The following TOMM20L variants were observed in gnomAD, a reference collection of about 807,000 sequenced individuals.
TOMM20L encodes the protein translocase of outer mitochondrial membrane 20 like, also known as TOMM20-like protein 1.
A neutral mutation model predicts 20.4 loss-of-function variants in TOMM20L; 19 were observed. The observed-to-expected ratio is 0.93, with a 90% CI of 0.65 to 1.36. The LOEUF is 1.36. Ranked by LOEUF, TOMM20L falls within the 40% of genes most tolerant of loss-of-function variation. The pLI, the probability that TOMM20L is intolerant of heterozygous loss-of-function variation, is 0.00. For missense variants in TOMM20L, 218 were observed against 203.7 expected (o/e 1.07, Z -0.43); for synonymous variants, 75 against 79.6 (o/e 0.94, Z 0.30).
At chr14:58,404,291 G>A (rs1300516762) in intron 3 of TOMM20L, among the ~76,000 whole-genome samples, 5 of 143,500 alleles carry the variant, frequency 3.5e-5, no homozygotes, top group African/African-American at 5.1e-5. Flanking sequence ...CACTACGCCC[G>A]GCTAATTTTT....
At chr14:58,412,332 G>A (rs1425343922), downstream of TOMM20L, among the ~76,000 whole-genome samples, 1 of 152,100 alleles carries the variant, frequency 6.6e-6, no homozygotes, top group African/African-American at 2.4e-5. Context: ...AGTAGAGATG[G>A]GGTTTCACCA....
At chr14:58,397,506 G>C (rs1335533572) in intron 2 of TOMM20L, among the ~76,000 whole-genome samples, 1 of 152,188 alleles carries the variant, frequency 6.6e-6, no homozygotes, top group East Asian at 1.9e-4. Context: ...AGTTTTTCCG[G>C]AGAAGACTTT....
the TOMM20L span, among the ~76,000 whole-genome samples, chr14:58,413,826 T>G: frequency 6.6e-6 from 1 of 151,392 alleles, no homozygotes; most frequent in Non-Finnish European, 1.5e-5. Flanking sequence ...GCTAACACAG[T>G]GAAACCCCGT....
chr14:58,415,635 G>C, the TOMM20L span, among the ~76,000 whole-genome samples: 6 of 152,156 alleles, frequency 3.9e-5, no homozygotes, highest in Non-Finnish European at 7.4e-5. Context: ...TTGGAAGCCA[G>C]AAAATAGAAT....
chr14:58,404,119 A>ATATATATATATTTTTTT (rs1555369115), intron 3 of TOMM20L, among the ~76,000 whole-genome samples: 1 of 8,354 alleles, frequency 1.2e-4, no homozygotes, highest in African/African-American at 3.3e-4. Flanking sequence ...ATATATATAT[A>ATATATATATATTTTTTT]TTTTTTTTTT....
chr14:58,398,215 T>G (rs572176060), intron 2 of TOMM20L, among the ~76,000 whole-genome samples: 1 of 152,206 alleles, frequency 6.6e-6, no homozygotes, highest in Non-Finnish European at 1.5e-5. Context: ...ATTATTTGAT[T>G]AATGCTTTCC....
chr14:58,413,001 A>T (rs7159482), downstream of TOMM20L, among the ~76,000 whole-genome samples: 151,743 of 152,300 alleles, frequency 1, 75,597 homozygotes, highest in Middle Eastern at 1. Context: ...TAGTCACCAA[A>T]TTGCTTATTT....
intron 3 of TOMM20L, 108 bp downstream of exon 3, chr14:58,402,869 C>A (rs1473562046): frequency 2.5e-6 from 2 of 790,914 alleles, no homozygotes; most frequent in Non-Finnish European, 4.2e-6. Context: ...TAGCCAACTC[C>A]CCTCATTAAA....
At chr14:58,406,143 T>C (rs1460077176) in intron 3 of TOMM20L, among the ~76,000 whole-genome samples, 2 of 152,326 alleles carry the variant, frequency 1.3e-5, no homozygotes, top group East Asian at 3.9e-4. Context: ...ACGGTGGCTA[T>C]ATCTATATGA....
At chr14:58,402,279 C>CT (rs985447395) in intron 2 of TOMM20L, among the ~76,000 whole-genome samples, 242 of 148,884 alleles carry the variant, frequency 1.6e-3, no homozygotes, top group Non-Finnish European at 2.6e-3. Flanking sequence ...TCAAGATGTC[C>CT]TTTTTTTTTT....
At chr14:58,396,175 C>T in intron 1 of TOMM20L, 82 bp downstream of exon 1, 1 of 1,379,702 alleles carries the variant, frequency 7.2e-7, no homozygotes, top group East Asian at 3.1e-5. Context: ...CACTGAGAGG[C>T]CGGGCCGTGA....
chr14:58,401,108 C>G (rs2140301397), intron 2 of TOMM20L, among the ~76,000 whole-genome samples: 1 of 152,338 alleles, frequency 6.6e-6, no homozygotes, highest in South Asian at 2.1e-4. Flanking sequence ...TACATGATCA[C>G]TTTCCCTTTA....
At chr14:58,400,699 G>A (rs2140301169) in intron 2 of TOMM20L, among the ~76,000 whole-genome samples, 1 of 152,118 alleles carries the variant, frequency 6.6e-6, no homozygotes, top group South Asian at 2.1e-4. Context: ...CCAACATGGT[G>A]AAACCCCGTC....
the TOMM20L span, among the ~76,000 whole-genome samples, chr14:58,415,942 G>A: frequency 2.0e-5 from 3 of 152,054 alleles, no homozygotes; most frequent in African/African-American, 4.8e-5. Context: ...AAGGCTGAGC[G>A]CAGTGCCTCA....
At chr14:58,412,067 C>A (rs943616723), downstream of TOMM20L, 4 of 885,942 alleles carry the variant, frequency 4.5e-6, no homozygotes, top group African/African-American at 5.0e-5. Context: ...TTTTATAAAT[C>A]TGTGTATGTA....
At chr14:58,415,948 C>A in the TOMM20L span, among the ~76,000 whole-genome samples, 1 of 151,928 alleles carries the variant, frequency 6.6e-6, no homozygotes, top group Non-Finnish European at 1.5e-5. Context: ...GAGCGCAGTG[C>A]CTCACGTCTA....
Position 58,396,015 on chromosome 14 carries a change from T to C in TOMM20L, c.58T>C (p.Phe20Leu). The C allele has an allele frequency of 1.4e-6, 2 of 1,452,212 alleles. No homozygotes were observed. The highest frequency in any genetic ancestry group is 1.5e-5 in the African/African-American group (1 of 68,178). The allele number at this position is 1,452,212 out of a possible 1,614,324, so 90.0% of individuals were successfully genotyped here. ...GGCCGCCGCGGCGGCCTGTGGCGCC[T>C]TCGCCTTCCTGGGCTATTGTATTTA... ...LLAAAAACGA[F>L]AFLGYCIYLN... Residue 20 changes from phenylalanine (F) to leucine (L), a missense_variant, in exon 1 of 5, where the codon TTC becomes CTC. Physicochemically the swap from Phe to Leu is conservative, Grantham distance 22. Coordinates refer to ENST00000360945, the MANE Select transcript of TOMM20L (RefSeq NM_207377.3).
At chr14:58,401,797 A>G (rs2035996619) in intron 2 of TOMM20L, among the ~76,000 whole-genome samples, 1 of 152,098 alleles carries the variant, frequency 6.6e-6, no homozygotes, top group African/African-American at 2.4e-5. Context: ...GCCTTCATGA[A>G]CCAACCGCAG....
chr14:58,398,195 C>G (rs2035950709), intron 2 of TOMM20L, among the ~76,000 whole-genome samples: 1 of 152,164 alleles, frequency 6.6e-6, no homozygotes, highest in South Asian at 2.1e-4. Flanking sequence ...TTCACTTGCA[C>G]ATTTGTGTAA....
Sources: allele counts gnomAD v4.1 joint callset (sites outside exome capture counted in the v4.1 genomes callset), GRCh38; gene constraint gnomAD v4.1.1; transcripts MANE v1.5; gene names NCBI Gene and HGNC (gene_info 2026-07-23, HGNC 2026-07-21).